FRMD4B: variants seen among roughly 807,000 people sequenced by gnomAD.
FRMD4B encodes the protein FERM domain containing 4B.
FRMD4B carries 74 observed loss-of-function variants against 141.5 expected under a neutral mutation model. The ratio of observed to expected loss-of-function variants is 0.52; its 90% CI spans 0.43 to 0.63. The LOEUF is 0.63. Ranked by LOEUF, FRMD4B falls within the 30% of genes least tolerant of loss-of-function variation. FRMD4B has a pLI of 0.00. For missense variants in FRMD4B, 1,366 were observed against 1,253.4 expected (o/e 1.09, Z -1.36); for synonymous variants, 506 against 467.9 (o/e 1.08, Z -1.05).
chr3:69,325,930 C>T (rs1312274405), intron 1 of FRMD4B, among the ~76,000 whole-genome samples: 5 of 151,986 alleles, frequency 3.3e-5, no homozygotes, highest in East Asian at 1.9e-4. Context: ...TGCTTAAGTG[C>T]GTACTTCTCT....
chr3:69,344,381 G>T (rs1265320239), intron 1 of FRMD4B, among the ~76,000 whole-genome samples: 1 of 152,244 alleles, frequency 6.6e-6, no homozygotes, highest in South Asian at 2.1e-4. Flanking sequence ...GGAAGGGAAA[G>T]AGGGAGAGAG....
Position 69,183,670 on chromosome 3 carries a change from G to A in FRMD4B, c.1920-953C>T, listed in dbSNP as rs533600045. On this transcript the variant is annotated intron_variant, in intron 19 of 22. Transcript: ENST00000398540. Reference sequence around the variant, plus strand: ...GCTAATTTTTTGTAGTTTTAGTAAAGACAGGGTTTCACCTTGTTAGCCAGG... The same window carrying A: ...GCTAATTTTTTGTAGTTTTAGTAAAAACAGGGTTTCACCTTGTTAGCCAGG... 4.9e-3 allele frequency among the ~76,000 whole-genome samples: 747 copies of A among 151,712 alleles called. 8 individuals carry two copies. Among genetic ancestry groups the A allele is most frequent in the African/African-American group, 0.017 (723 of 41,372 alleles).
intron 3 of FRMD4B, among the ~76,000 whole-genome samples, chr3:69,306,165 T>C (rs1237286341): frequency 6.6e-6 from 1 of 152,212 alleles, no homozygotes; most frequent in East Asian, 1.9e-4. Context: ...TGCCCATAAT[T>C]CTACCACTGA....
chr3:69,521,754 A>T (rs1575599496), intron 1 of FRMD4B, among the ~76,000 whole-genome samples: 1 of 151,944 alleles, frequency 6.6e-6, no homozygotes, highest in East Asian at 1.9e-4. Context: ...CACTCACCAT[A>T]CCCTCTTCCT....
intron 7 of FRMD4B, among the ~76,000 whole-genome samples, chr3:69,245,421 A>AACCTCC (rs1231853130): frequency 8.6e-5 from 13 of 150,710 alleles, no homozygotes; most frequent in African/African-American, 3.2e-4. Flanking sequence ...GCTCAGTGCA[A>AACCTCC]ACCTCCACCT....
intron 3 of FRMD4B, among the ~76,000 whole-genome samples, chr3:69,308,019 C>T (rs1000215209): frequency 1.3e-5 from 2 of 152,136 alleles, no homozygotes; most frequent in African/African-American, 4.8e-5. Context: ...CCTCTCATCT[C>T]CCCTCCCATC....
At chr3:69,254,084 AC>A (rs2093478744) in intron 5 of FRMD4B, among the ~76,000 whole-genome samples, 1 of 152,070 alleles carries the variant, frequency 6.6e-6, no homozygotes, top group Non-Finnish European at 1.5e-5. Flanking sequence ...TGTCTCAAAA[AC>A]AAAAAGTAAA....
intron 1 of FRMD4B, among the ~76,000 whole-genome samples, chr3:69,330,948 CATT>C (rs1702349865): frequency 1.3e-5 from 2 of 152,194 alleles, no homozygotes; most frequent in South Asian, 4.1e-4. Flanking sequence ...GAGCACATGT[CATT>C]ATGCTCTGTC....
intron 5 of FRMD4B, among the ~76,000 whole-genome samples, chr3:69,275,598 GT>G (rs916664390): frequency 1.3e-5 from 2 of 151,712 alleles, no homozygotes; most frequent in African/African-American, 4.8e-5. Flanking sequence ...TACCCAGCTA[GT>G]TTTTTTAATT....
chr3:69,450,099 G>A (rs2106885227), intron 1 of FRMD4B, among the ~76,000 whole-genome samples: 1 of 152,292 alleles, frequency 6.6e-6, no homozygotes, highest in Middle Eastern at 3.4e-3. Flanking sequence ...ATTTCTCAAG[G>A]TTGTGAGAAT....
chr3:69,311,942 G>T (rs1032825440), intron 2 of FRMD4B, among the ~76,000 whole-genome samples: 1 of 152,110 alleles, frequency 6.6e-6, no homozygotes, highest in Non-Finnish European at 1.5e-5. Context: ...AGTCAACCAA[G>T]GCCCAGAGTA....
intron 1 of FRMD4B, among the ~76,000 whole-genome samples, chr3:69,525,249 C>CT (rs1415066096): frequency 2.0e-5 from 3 of 152,222 alleles, no homozygotes; most frequent in African/African-American, 7.2e-5. Flanking sequence ...AGCTCACAGT[C>CT]TTTTTTCAGA....
At chr3:69,495,081 A>C (rs1012515523) in intron 1 of FRMD4B, among the ~76,000 whole-genome samples, 20 of 152,174 alleles carry the variant, frequency 1.3e-4, no homozygotes, top group South Asian at 8.3e-4. Context: ...GTTGCAAGGT[A>C]TAGACTTGGT....
intron 1 of FRMD4B, among the ~76,000 whole-genome samples, chr3:69,329,694 AT>A (rs59514189): frequency 0.023 from 3,397 of 149,468 alleles, 117 homozygotes; most frequent in African/African-American, 0.078. Flanking sequence ...GGCCTGGCTA[AT>A]TTTTTTTTGT....
At chr3:69,439,569 C>T (rs1329893750) in intron 1 of FRMD4B, among the ~76,000 whole-genome samples, 1 of 152,184 alleles carries the variant, frequency 6.6e-6, no homozygotes, top group Non-Finnish European at 1.5e-5. Context: ...TTGTCCCCCA[C>T]AAAATACCAA....
chr3:69,202,651 T>G (rs2092980510), intron 11 of FRMD4B, among the ~76,000 whole-genome samples: 1 of 152,162 alleles, frequency 6.6e-6, no homozygotes, highest in South Asian at 2.1e-4. Context: ...CACTATGTTG[T>G]TTTTAGACAA....
intron 11 of FRMD4B, among the ~76,000 whole-genome samples, chr3:69,205,817 G>A (rs956277084): frequency 3.9e-5 from 6 of 152,204 alleles, no homozygotes; most frequent in Non-Finnish European, 7.3e-5. Flanking sequence ...TTTGGTAGGT[G>A]AAATGTGCTG....
chr3:69,176,253 T>C (rs1039037168), intron 22 of FRMD4B, among the ~76,000 whole-genome samples: 1 of 152,238 alleles, frequency 6.6e-6, no homozygotes, highest in Non-Finnish European at 1.5e-5. Context: ...AGATACTTTT[T>C]GGCTGATGGT....
intron 1 of FRMD4B, among the ~76,000 whole-genome samples, chr3:69,475,118 C>T (rs1411692209): frequency 6.6e-6 from 1 of 152,286 alleles, no homozygotes; most frequent in East Asian, 1.9e-4. Flanking sequence ...TTATTACTTA[C>T]CTCACTAGTG....
Sources: gnomAD v4.1 joint callset for allele counts (sites outside exome capture counted in the v4.1 genomes callset) on GRCh38, gnomAD v4.1.1 for gene constraint, MANE v1.5 for transcripts, NCBI Gene and HGNC (gene_info 2026-07-23, HGNC 2026-07-21) for gene names.